The following MALRD1 variants were observed in gnomAD, a reference collection of about 807,000 sequenced individuals.
MALRD1 encodes MAM and LDL receptor class A domain containing 1, also known as MAM and LDL-receptor class A domain-containing protein 1.
In MALRD1, 247 loss-of-function variants were observed where a neutral mutation model predicts 242.1. That is an observed-to-expected ratio of 1.02 (90% confidence interval 0.92 to 1.13). The LOEUF (loss-of-function observed/expected upper bound fraction) is 1.13, where lower values mean the gene tolerates loss of function less well. Ranked by LOEUF, MALRD1 falls within the 50% of genes most tolerant of loss-of-function variation. MALRD1 has a pLI of 0.00. For synonymous variants in MALRD1, 995 were observed against 866.6 expected (o/e 1.15, Z -2.60); for missense variants, 2,989 against 2,533.1 (o/e 1.18, Z -3.86).
At chr10:19,329,073 G>T (rs1344442400) in intron 23 of MALRD1, among the ~76,000 whole-genome samples, 1 of 152,166 alleles carries the variant, frequency 6.6e-6, no homozygotes, top group African/African-American at 2.4e-5. Context: ...TAGCCATTCT[G>T]AATTTCTAGT....
At chr10:19,659,292 C>T (rs1841312525) in intron 36 of MALRD1, among the ~76,000 whole-genome samples, 1 of 152,104 alleles carries the variant, frequency 6.6e-6, no homozygotes, top group African/African-American at 2.4e-5. Flanking sequence ...TAGGCACTTT[C>T]ATGTGTTTAA....
At chr10:19,476,824 A>C (rs1258964334) in intron 29 of MALRD1, among the ~76,000 whole-genome samples, 3 of 152,214 alleles carry the variant, frequency 2.0e-5, no homozygotes, top group African/African-American at 7.2e-5. Flanking sequence ...AACATAGAAG[A>C]TTCGTGAGTC....
intron 5 of MALRD1, among the ~76,000 whole-genome samples, chr10:19,107,444 T>C (rs866646024): frequency 5.9e-5 from 9 of 152,010 alleles, no homozygotes; most frequent in Admixed American, 5.2e-4. Context: ...TAGTTATAGC[T>C]ACTGCTGGTC....
chr10:19,136,816 C>T (rs1413508664), intron 10 of MALRD1, 35 bp downstream of exon 10: 74 of 1,196,418 alleles, frequency 6.2e-5, no homozygotes, highest in Non-Finnish European at 7.0e-5. Flanking sequence ...TTTACATGCT[C>T]TAATTCAAGA....
chr10:19,106,545 T>C (rs1246042062), intron 5 of MALRD1, among the ~76,000 whole-genome samples: 1 of 151,922 alleles, frequency 6.6e-6, no homozygotes, highest in African/African-American at 2.4e-5. Flanking sequence ...AATCCAGCTA[T>C]TGTTTGTCAA....
At position 19,567,508 on chromosome 10, in the gene MALRD1, AC is replaced by A; in HGVS notation, c.5487del (p.Ile1830LeufsTer6). ...TTTTTAATGATTTTTAAAGGTGTAT[AC>A]CATTGAAGAATCGGGGCTAAACATC... ...PRSMGILKVY[T>X]IEESGLNILV... On this transcript the variant is annotated frameshift_variant, in exon 33 of 40. Transcript: ENST00000454679. LOFTEE classifies it high-confidence loss of function. The A allele has an allele frequency of 1.3e-6, 2 of 1,550,328 alleles. No homozygotes were observed. The highest frequency in any genetic ancestry group is 1.7e-6 in the Non-Finnish European group (2 of 1,146,780).
At chr10:19,268,504 TA>T (rs1564515913) in intron 19 of MALRD1, among the ~76,000 whole-genome samples, 2 of 152,150 alleles carry the variant, frequency 1.3e-5, no homozygotes, top group African/African-American at 4.8e-5. Flanking sequence ...TTAAATATTC[TA>T]AAGAGACTGT....
At chr10:19,123,398 G>A in intron 5 of MALRD1, 94 bp from the exon 6 acceptor site, 1 of 602,894 alleles carries the variant, frequency 1.7e-6, no homozygotes. Flanking sequence ...GTTACAGAGT[G>A]CTTTGTAGAA....
chr10:19,464,311 G>A (rs4748585), intron 29 of MALRD1, among the ~76,000 whole-genome samples: 13,340 of 152,050 alleles, frequency 0.088, 649 homozygotes, highest in Middle Eastern at 0.12. Context: ...GGGTTTTTCC[G>A]ATGTTACCTT....
intron 34 of MALRD1, among the ~76,000 whole-genome samples, chr10:19,604,200 A>G (rs868721123): frequency 6.6e-6 from 1 of 152,180 alleles, no homozygotes; most frequent in Admixed American, 6.6e-5. Context: ...TGAATACACA[A>G]ATGATAGGAA....
intron 29 of MALRD1, among the ~76,000 whole-genome samples, chr10:19,460,942 T>C (rs578177174): frequency 6.6e-6 from 1 of 152,316 alleles, no homozygotes; most frequent in South Asian, 2.1e-4. Context: ...TTTCATCTGC[T>C]GTATGTTGGT....
At chr10:19,645,192 C>G (rs1321998682) in intron 36 of MALRD1, among the ~76,000 whole-genome samples, 1 of 152,034 alleles carries the variant, frequency 6.6e-6, no homozygotes, top group Non-Finnish European at 1.5e-5. Context: ...CCATCTCACA[C>G]CAATTAGAAT....
chr10:19,087,603 C>A (rs1188461664), intron 2 of MALRD1, among the ~76,000 whole-genome samples: 1 of 150,344 alleles, frequency 6.7e-6, no homozygotes, highest in Non-Finnish European at 1.5e-5. Context: ...CTATGGGGTA[C>A]ATGAGATGTT....
At chr10:19,247,297 T>C (rs937390931) in intron 18 of MALRD1, among the ~76,000 whole-genome samples, 1 of 152,102 alleles carries the variant, frequency 6.6e-6, no homozygotes, top group Non-Finnish European at 1.5e-5. Context: ...AAAATTAAAT[T>C]ACTTCATTAA....
At chr10:19,622,647 G>GA (rs370996237) in intron 36 of MALRD1, among the ~76,000 whole-genome samples, 4,077 of 126,044 alleles carry the variant, frequency 0.032, 61 homozygotes, top group Middle Eastern at 0.11. Context: ...GTAAAACACT[G>GA]AAAAAAAAAA....
At chr10:19,135,397 C>T (rs902202286) in intron 9 of MALRD1, among the ~76,000 whole-genome samples, 21 of 152,138 alleles carry the variant, frequency 1.4e-4, no homozygotes, top group African/African-American at 4.3e-4. Context: ...TCAAGTGATC[C>T]ACCTCCTTGG....
At chr10:19,543,026 T>A (rs2131380851) in intron 32 of MALRD1, among the ~76,000 whole-genome samples, 1 of 152,310 alleles carries the variant, frequency 6.6e-6, no homozygotes, top group Middle Eastern at 3.4e-3. Flanking sequence ...GTCTTCATTT[T>A]TTGTTGGATT....
In MALRD1 at chr10:19,522,961, A is replaced by G. The variant is rs56102804; in HGVS notation, c.5321-8233A>G. Among the ~76,000 whole-genome samples, 400 of 152,320 alleles carry G rather than the reference A, an allele frequency of 2.6e-3. 1 individual carries two copies. The highest frequency in any genetic ancestry group is 6.7e-3 in the African/African-American group (279 of 41,586). On this transcript the variant is annotated intron_variant, in intron 31 of 39. Coordinates refer to ENST00000454679, the MANE Select transcript of MALRD1 (RefSeq NM_001142308.3). ...CTTCTCTATAGTAGTTATTCAATCA[A>G]TAACTTGCAATTAATTGTCTTATTT...
At chr10:19,467,392 C>CAAAAAAAAAAA (rs71387079) in intron 29 of MALRD1, among the ~76,000 whole-genome samples, 4 of 53,732 alleles carry the variant, frequency 7.4e-5, no homozygotes, top group Non-Finnish European at 1.3e-4. Flanking sequence ...GACTCCGTCT[C>CAAAAAAAAAAA]AAAAAAAAAA....
Sources: gnomAD v4.1 joint callset for allele counts (sites outside exome capture counted in the v4.1 genomes callset) on GRCh38, gnomAD v4.1.1 for gene constraint, MANE v1.5 for transcripts, NCBI Gene and HGNC (gene_info 2026-07-23, HGNC 2026-07-21) for gene names.